The following SKIC3 variants were observed in gnomAD, a reference collection of about 807,000 sequenced individuals.
SKIC3 encodes superkiller complex protein 3.
chr5:95,519,992 T>C, the SKIC3 span, among the ~76,000 whole-genome samples: 2 of 151,942 alleles, frequency 1.3e-5, no homozygotes, highest in South Asian at 2.1e-4. Flanking sequence ...TTGGTTCATA[T>C]GAAAAGCAAT....
the SKIC3 span, among the ~76,000 whole-genome samples, chr5:95,519,547 C>A: frequency 5.9e-5 from 9 of 151,448 alleles, no homozygotes; most frequent in Admixed American, 5.9e-4. Flanking sequence ...AAATTGACAG[C>A]AAAAAATGAG....
At chr5:95,495,929 G>A in the SKIC3 span, among the ~76,000 whole-genome samples, 1 of 151,736 alleles carries the variant, frequency 6.6e-6, no homozygotes, top group African/African-American at 2.4e-5. Flanking sequence ...GGACTTACCA[G>A]GCCAAAACTG....
chr5:95,490,446 T>C, the SKIC3 span, among the ~76,000 whole-genome samples: 1 of 147,202 alleles, frequency 6.8e-6, no homozygotes, highest in African/African-American at 2.5e-5. Flanking sequence ...AAATAATGTA[T>C]ATATATATTT....
the SKIC3 span, among the ~76,000 whole-genome samples, chr5:95,547,568 C>T: frequency 6.6e-6 from 1 of 151,848 alleles, no homozygotes; most frequent in Non-Finnish European, 1.5e-5. Flanking sequence ...TTTTCACTGC[C>T]GCATCCCCAG....
chr5:95,538,963 TTAAG>T, the SKIC3 span, among the ~76,000 whole-genome samples: 1 of 152,116 alleles, frequency 6.6e-6, no homozygotes, highest in Non-Finnish European at 1.5e-5. Context: ...TTTACAGTGA[TTAAG>T]TTACTGATGT....
At chr5:95,525,797 G>T in the SKIC3 span, 1 of 859,436 alleles carries the variant, frequency 1.2e-6, no homozygotes, top group Non-Finnish European at 1.9e-6. Context: ...TAGAGGTCCT[G>T]ATTTCTATCA....
the SKIC3 span, among the ~76,000 whole-genome samples, chr5:95,539,141 A>G: frequency 6.6e-6 from 1 of 152,216 alleles, no homozygotes; most frequent in Non-Finnish European, 1.5e-5. Context: ...CTAGTCTAAC[A>G]TACAATCCTT....
the SKIC3 span, chr5:95,525,416 T>C: frequency 6.2e-7 from 1 of 1,614,024 alleles, no homozygotes; most frequent in South Asian, 1.1e-5. Context: ...TGCTTGTAGA[T>C]AGTCCTTTTT....
chr5:95,503,552 A>C, the SKIC3 span, among the ~76,000 whole-genome samples: 8 of 152,338 alleles, frequency 5.3e-5, no homozygotes, highest in South Asian at 1.7e-3. Context: ...ATTATTTGCC[A>C]TAAGTGATCT....
chr5:95,528,220 G>C, the SKIC3 span: 1 of 1,588,246 alleles, frequency 6.3e-7, no homozygotes, highest in Admixed American at 1.7e-5. Flanking sequence ...CTTTTTTAAG[G>C]ATGACATATA....
the SKIC3 span, among the ~76,000 whole-genome samples, chr5:95,549,909 T>C: frequency 6.6e-6 from 1 of 152,012 alleles, no homozygotes; most frequent in East Asian, 1.9e-4. Flanking sequence ...AACCCCATAC[T>C]CCTCTATTTT....
the SKIC3 span, chr5:95,543,352 TAGG>T: frequency 1.9e-6 from 3 of 1,612,130 alleles, no homozygotes; most frequent in Non-Finnish European, 2.5e-6. Context: ...ATTAAAAGAG[TAGG>T]TTAGTAAATT....
the SKIC3 span, chr5:95,497,344 G>A: frequency 7.7e-7 from 1 of 1,294,442 alleles, no homozygotes; most frequent in South Asian, 1.3e-5. Flanking sequence ...TAATGCCATA[G>A]TTTAAAATTA....
At chr5:95,537,208 T>A in the SKIC3 span, 5 of 1,315,030 alleles carry the variant, frequency 3.8e-6, no homozygotes, top group East Asian at 2.4e-5. Flanking sequence ...TGTATAAGAC[T>A]CTCTTACACA....
chr5:95,540,490 C>T, the SKIC3 span, among the ~76,000 whole-genome samples: 3 of 151,250 alleles, frequency 2.0e-5, 1 homozygote, highest in Non-Finnish European at 4.4e-5. Context: ...AAGAAACAAA[C>T]CCAATAAAAA....
chr5:95,511,146 C>G, the SKIC3 span, among the ~76,000 whole-genome samples: 2 of 152,216 alleles, frequency 1.3e-5, no homozygotes, highest in Non-Finnish European at 2.9e-5. Context: ...CACAGTGGCT[C>G]ACGCCTGTAA....
At chr5:95,541,406 C>A in the SKIC3 span, 1 of 1,606,694 alleles carries the variant, frequency 6.2e-7, no homozygotes, top group Non-Finnish European at 8.5e-7. Flanking sequence ...AACACACACA[C>A]ACAAAAGGAT....
the SKIC3 span, among the ~76,000 whole-genome samples, chr5:95,481,990 T>G: frequency 1.3e-5 from 2 of 152,192 alleles, no homozygotes; most frequent in Non-Finnish European, 2.9e-5. Flanking sequence ...ACAGTGATCA[T>G]TGTGCATTTG....
chr5:95,520,753 C>A, the SKIC3 span: 27 of 1,611,734 alleles, frequency 1.7e-5, no homozygotes, highest in Non-Finnish European at 2.3e-5. Flanking sequence ...ATGTAGTCTA[C>A]GGCTTTTCCA....
Sources: gnomAD v4.1 joint callset for allele counts (sites outside exome capture counted in the v4.1 genomes callset) on GRCh38, gnomAD v4.1.1 for gene constraint, MANE v1.5 for transcripts, NCBI Gene and HGNC (gene_info 2026-07-23, HGNC 2026-07-21) for gene names.